AFF2: variants seen among roughly 807,000 people sequenced by gnomAD.
AFF2 encodes ALF transcription elongation factor 2.
Under a neutral mutation model 76.9 loss-of-function variants are expected in AFF2, and 14 were observed. That is an observed-to-expected ratio of 0.18 (90% CI 0.12 to 0.28). AFF2 has a LOEUF of 0.28. Among genes scored for constraint, AFF2 ranks in the 10% least tolerant of loss-of-function variants. The pLI is 1.00. For missense variants in AFF2, 868 were observed against 1,001.1 expected, an observed-to-expected ratio of 0.87 and a Z score of 1.79; for synonymous variants, 398 against 366.7, an observed-to-expected ratio of 1.09 and a Z score of -0.98.
chrX:148,896,009 T>C (rs191885595), intron 8 of AFF2, among the ~76,000 whole-genome samples: 8 of 111,586 alleles, frequency 7.2e-5, no homozygotes, highest in African/African-American at 2.6e-4. Context: ...GAAAACTTTA[T>C]AGTGAGTGAG....
At chrX:148,716,236 GTTTA>G (rs201219996) in intron 3 of AFF2, among the ~76,000 whole-genome samples, 1,890 of 111,345 alleles carry the variant, frequency 0.017, 45 homozygotes, top group African/African-American at 0.058. Context: ...ATAATGCACT[GTTTA>G]TTGTGCCATC....
chrX:148,895,570 A>AGT (rs60601698), intron 8 of AFF2, among the ~76,000 whole-genome samples: 7,559 of 95,216 alleles, frequency 0.079, 446 homozygotes, highest in African/African-American at 0.19. Context: ...TGAGTGAGTG[A>AGT]GTGTGTGTGT....
rs1413969882 is a variant in AFF2 at position 148,993,427 on chromosome X, A to G, written c.*2095A>G. 8.9e-6 allele frequency: 1 copy of G among 112,278 alleles called. No individual in the cohort carries two copies. Among genetic ancestry groups the G allele is most frequent in the Non-Finnish European group, 1.9e-5 (1 of 53,308 alleles). 9.3% of individuals were successfully genotyped at this position (112,278 alleles called of 1,213,427 possible). A position where few individuals can be genotyped will look rare whatever the true frequency, so the allele number is the denominator to read the frequency against. ...CAGTGACTCAAGTTGTCTCTTTATC[A>G]TGGTTTACCAGGTAGAGTGCCTGGC... On this transcript the variant is annotated 3_prime_UTR_variant, in exon 21 of 21. Transcript: ENST00000370460.
At chrX:148,719,090 G>T in intron 3 of AFF2, 2 of 1,103,166 alleles carry the variant, frequency 1.8e-6, no homozygotes, top group Non-Finnish European at 2.4e-6. Flanking sequence ...ATATTAAGGT[G>T]AGTTTTGGTT....
Position 148,831,624 on chromosome X carries a change from A to G in AFF2, c.1087-6023A>G, listed in dbSNP as rs782010457. The stretch of plus-strand genomic sequence containing the variant: ...ATGCCCTGCCTGGCTTTGCTCTCCT[A>G]TCAGGGAGGAGCAGAGCATCCTACA... On this transcript the variant is annotated intron_variant, in intron 4 of 20. Transcript: ENST00000370460. Among the ~76,000 whole-genome samples the G allele has an allele frequency of 1.3e-4, 15 of 111,803 alleles. No individual in the cohort carries two copies. In the East Asian group the frequency reaches 3.7e-3, roughly 27 times the overall value.
intron 3 of AFF2, among the ~76,000 whole-genome samples, chrX:148,773,455 C>T (rs1385560724): frequency 9.1e-6 from 1 of 110,168 alleles, no homozygotes; most frequent in East Asian, 2.8e-4. Context: ...CCTCTTAAAA[C>T]CAGTTGAGGG....
At chrX:148,922,592 G>A (rs1256592748) in intron 9 of AFF2, among the ~76,000 whole-genome samples, 1 of 112,253 alleles carries the variant, frequency 8.9e-6, no homozygotes, top group Non-Finnish European at 1.9e-5. Context: ...TATATTCTCT[G>A]TTAAAAGAAG....
At chrX:148,532,313 C>T (rs1405830685) in intron 1 of AFF2, among the ~76,000 whole-genome samples, 1 of 111,958 alleles carries the variant, frequency 8.9e-6, no homozygotes, top group African/African-American at 3.2e-5. Context: ...CATTTTTTAA[C>T]TTAATGTTGG....
intron 1 of AFF2, among the ~76,000 whole-genome samples, chrX:148,538,761 T>G (rs2052817994): frequency 8.9e-6 from 1 of 111,901 alleles, no homozygotes. Context: ...CAATCCCCGT[T>G]TTACAGATGA....
intron 3 of AFF2, among the ~76,000 whole-genome samples, chrX:148,808,793 T>A (rs2070168149): frequency 8.9e-6 from 1 of 112,015 alleles, no homozygotes. Context: ...TGTTTGAAGA[T>A]TTGCTGTATT....
chrX:148,717,714 G>A (rs1408943900), intron 3 of AFF2, among the ~76,000 whole-genome samples: 1 of 111,489 alleles, frequency 9.0e-6, no homozygotes, highest in African/African-American at 3.3e-5. Context: ...AGGGTCATAA[G>A]AAGGGGCATT....
chrX:148,545,392 T>C (rs782263323), intron 1 of AFF2, among the ~76,000 whole-genome samples: 2 of 112,198 alleles, frequency 1.8e-5, no homozygotes, highest in Non-Finnish European at 3.8e-5. Context: ...CAGAGTTGGG[T>C]ACAGGAGGAA....
intron 3 of AFF2, among the ~76,000 whole-genome samples, chrX:148,734,024 C>T (rs1005818109): frequency 3.6e-5 from 4 of 112,313 alleles, no homozygotes; most frequent in Admixed American, 9.4e-5. Context: ...GACCAGAAGC[C>T]TGGGGACAGA....
intron 9 of AFF2, among the ~76,000 whole-genome samples, chrX:148,933,551 T>A (rs2071738231): frequency 9.0e-6 from 1 of 111,123 alleles, no homozygotes; most frequent in South Asian, 3.8e-4. Context: ...ATCAGGGTAG[T>A]GGTGATGAGC....
intron 4 of AFF2, among the ~76,000 whole-genome samples, chrX:148,817,073 G>T (rs1557272207): frequency 9.1e-6 from 1 of 110,373 alleles, no homozygotes; most frequent in Non-Finnish European, 1.9e-5. Context: ...GAAAAGACAA[G>T]AACAAAATCA....
At chrX:148,652,171 A>T in intron 2 of AFF2, 40 bp downstream of exon 2, 1 of 1,045,800 alleles carries the variant, frequency 9.6e-7, no homozygotes, top group Non-Finnish European at 1.3e-6. Flanking sequence ...TGCTTGTTAC[A>T]TTTTTGAACT....
chrX:148,566,660 G>C (rs2053174322), intron 1 of AFF2, among the ~76,000 whole-genome samples: 1 of 110,756 alleles, frequency 9.0e-6, no homozygotes, highest in Admixed American at 9.7e-5. Flanking sequence ...TGAAACACCA[G>C]ATGAGCCATC....
chrX:148,959,010 A>T (rs1232868182), intron 12 of AFF2, among the ~76,000 whole-genome samples: 1 of 108,868 alleles, frequency 9.2e-6, no homozygotes, highest in South Asian at 4.1e-4. Flanking sequence ...AAAAAAAAAA[A>T]AAAAGCTGTC....
At chrX:148,708,502 A>G (rs1370176386) in intron 3 of AFF2, among the ~76,000 whole-genome samples, 1 of 112,202 alleles carries the variant, frequency 8.9e-6, no homozygotes, top group Non-Finnish European at 1.9e-5. Context: ...ATCTAAATGA[A>G]AATATTACAG....
Sources: allele counts gnomAD v4.1 joint callset (sites outside exome capture counted in the v4.1 genomes callset), GRCh38; gene constraint gnomAD v4.1.1; transcripts MANE v1.5; gene names NCBI Gene and HGNC (gene_info 2026-07-23, HGNC 2026-07-21).